Variants in SYNDIG1 observed in about 807,000 individuals in gnomAD.
The protein encoded by SYNDIG1 is synapse differentiation-inducing gene protein 1.
Under a neutral mutation model 19.4 loss-of-function variants are expected in SYNDIG1, and 9 were observed. That is an observed-to-expected ratio of 0.46 (90% CI 0.28 to 0.81). SYNDIG1 has a LOEUF of 0.81. Among genes scored for constraint, SYNDIG1 ranks in the 30% least tolerant of loss-of-function variants. The pLI, the probability that SYNDIG1 is intolerant of heterozygous loss-of-function variation, is 0.12. For missense variants in SYNDIG1, 311 were observed against 343.3 expected (o/e 0.91, Z 0.74); for synonymous variants, 141 against 145.9 (o/e 0.97, Z 0.24).
intron 3 of SYNDIG1, among the ~76,000 whole-genome samples, chr20:24,587,525 T>G (rs758706282): frequency 2.5e-4 from 38 of 152,196 alleles, no homozygotes; most frequent in Admixed American, 4.6e-4. Context: ...CGCAGATGCG[T>G]GGTCTCCAGC....
intron 3 of SYNDIG1, among the ~76,000 whole-genome samples, chr20:24,656,032 T>C (rs1378693840): frequency 6.6e-6 from 1 of 152,152 alleles, no homozygotes; most frequent in Non-Finnish European, 1.5e-5. Context: ...AAACAGAATC[T>C]GGGCTGTTGT....
At chr20:24,536,593 G>C (rs903524707) in intron 1 of SYNDIG1, among the ~76,000 whole-genome samples, 6 of 152,074 alleles carry the variant, frequency 3.9e-5, no homozygotes, top group African/African-American at 1.4e-4. Flanking sequence ...TCCGGGTTAC[G>C]CCTGCTTACT....
intron 3 of SYNDIG1, among the ~76,000 whole-genome samples, chr20:24,645,179 T>G (rs953615872): frequency 1.3e-5 from 2 of 152,300 alleles, no homozygotes; most frequent in Non-Finnish European, 2.9e-5. Context: ...TGCACTGCTC[T>G]CTCCTGGTGG....
rs62215354 is a variant in SYNDIG1 at position 24,665,098 on chromosome 20, G to A, written c.619-248G>A. Among the ~76,000 whole-genome samples the A allele has an allele frequency of 0.075, 11,336 of 152,100 alleles. 533 individuals are homozygous for A. The highest frequency in any genetic ancestry group is 0.098 in the Non-Finnish European group (6,688 of 67,976). Reference sequence around the variant, plus strand: ...ACTTCCAGCCTTCTCTTATTCCCTTGGGGCCAAGTAGAAAAGAAGTCTGTC... The same window carrying A: ...ACTTCCAGCCTTCTCTTATTCCCTTAGGGCCAAGTAGAAAAGAAGTCTGTC... On this transcript the variant is annotated intron_variant, in intron 3 of 3. Coordinates refer to ENST00000376862, the MANE Select transcript of SYNDIG1 (RefSeq NM_024893.3).
intron 3 of SYNDIG1, among the ~76,000 whole-genome samples, chr20:24,586,159 G>A (rs1568663704): frequency 6.6e-6 from 1 of 152,196 alleles, no homozygotes; most frequent in Non-Finnish European, 1.5e-5. Flanking sequence ...TGGTCCTCCT[G>A]AGGGCAAGCG....
intron 3 of SYNDIG1, among the ~76,000 whole-genome samples, chr20:24,649,782 A>G (rs938561718): frequency 3.9e-5 from 6 of 152,200 alleles, no homozygotes; most frequent in African/African-American, 1.4e-4. Context: ...TCTCAGTGAA[A>G]GGGGTCACCC....
At chr20:24,596,353 G>A (rs2058594130) in intron 3 of SYNDIG1, among the ~76,000 whole-genome samples, 1 of 151,898 alleles carries the variant, frequency 6.6e-6, no homozygotes, top group African/African-American at 2.4e-5. Context: ...ACTCATTCAA[G>A]AGATAATTAA....
intron 2 of SYNDIG1, among the ~76,000 whole-genome samples, chr20:24,547,332 T>C (rs1224487522): frequency 2.0e-5 from 3 of 152,248 alleles, no homozygotes; most frequent in African/African-American, 4.8e-5. Context: ...TGCAAGGGCA[T>C]GTGGAGCGTT....
intron 3 of SYNDIG1, among the ~76,000 whole-genome samples, chr20:24,588,753 C>T (rs1423144654): frequency 6.6e-6 from 1 of 152,178 alleles, no homozygotes; most frequent in Non-Finnish European, 1.5e-5. Flanking sequence ...GCCCTGGGTT[C>T]TGATGTTGCT....
chr20:24,595,687 A>C (rs1356227096), intron 3 of SYNDIG1, among the ~76,000 whole-genome samples: 2 of 152,138 alleles, frequency 1.3e-5, no homozygotes, highest in African/African-American at 4.8e-5. Context: ...TGGCCTTTTC[A>C]GGGGTTCAAT....
chr20:24,543,624 G>A (rs772888837), intron 2 of SYNDIG1, 47 bp downstream of exon 2: 1 of 1,572,084 alleles, frequency 6.4e-7, no homozygotes, highest in African/African-American at 1.3e-5. Context: ...GTGTGATGGG[G>A]ATTCTAGGGA....
intron 1 of SYNDIG1, among the ~76,000 whole-genome samples, chr20:24,486,509 G>T (rs73901844): frequency 1.3e-5 from 2 of 152,130 alleles, no homozygotes; most frequent in Admixed American, 6.5e-5. Context: ...TTACTGAAAT[G>T]TCTGTTCAAG....
intron 3 of SYNDIG1, among the ~76,000 whole-genome samples, chr20:24,657,743 A>G (rs2059542608): frequency 6.6e-6 from 1 of 152,206 alleles, no homozygotes; most frequent in African/African-American, 2.4e-5. Flanking sequence ...ACTATCATTA[A>G]GAATATTGAG....
intron 2 of SYNDIG1, among the ~76,000 whole-genome samples, chr20:24,556,044 C>G (rs1377418751): frequency 6.6e-6 from 1 of 152,154 alleles, no homozygotes; most frequent in African/African-American, 2.4e-5. Context: ...GAATTGATCC[C>G]TTTACCGTTA....
intron 1 of SYNDIG1, among the ~76,000 whole-genome samples, chr20:24,497,552 G>T (rs557360118): frequency 6.6e-6 from 1 of 152,296 alleles, no homozygotes; most frequent in South Asian, 2.1e-4. Flanking sequence ...GGGCTTCTTA[G>T]ATTTCAGCGC....
At position 24,469,656 on chromosome 20, in the gene SYNDIG1, G is replaced by A. The variant is rs2055356318; in HGVS notation, c.-176G>A. On this transcript the variant is annotated 5_prime_UTR_variant, in exon 1 of 4. Coordinates refer to ENST00000376862, the MANE Select transcript of SYNDIG1 (RefSeq NM_024893.3). Reference sequence around the variant, plus strand: ...AGGAGGAGAGAGCCTGGCAGCGGAGGAGCAGAGGCGGGCGCCGCACCGCCC... The same window carrying A: ...AGGAGGAGAGAGCCTGGCAGCGGAGAAGCAGAGGCGGGCGCCGCACCGCCC... 1 of 151,974 alleles carries A rather than the reference G, an allele frequency of 6.6e-6. No homozygotes were observed. The highest frequency in any genetic ancestry group is 2.4e-5 in the African/African-American group (1 of 41,366). 9.4% of individuals were successfully genotyped at this position (151,974 alleles called of 1,614,324 possible).
intron 1 of SYNDIG1, chr20:24,502,098 C>A (rs1452887856): frequency 6.6e-6 from 1 of 152,500 alleles, no homozygotes; most frequent in Non-Finnish European, 1.5e-5. Context: ...TCCCACAGGG[C>A]TGAGCCCCAG....
chr20:24,548,103 G>A (rs759126766), intron 2 of SYNDIG1, among the ~76,000 whole-genome samples: 41 of 152,286 alleles, frequency 2.7e-4, no homozygotes, highest in Non-Finnish European at 3.4e-4. Flanking sequence ...TCCTCGAAGC[G>A]CTTGGGGATG....
rs544973231 is a variant in SYNDIG1 at position 24,596,579 on chromosome 20, A to G, written c.618+11586A>G. On this transcript the variant is annotated intron_variant, in intron 3 of 3. Transcript: ENST00000376862. Reference sequence around the variant, plus strand: ...TTTTTAGTAGAGATAGAGTTTTGCCATGTTGCCTAGGCTAGCCTCGAACTC... The same window carrying G: ...TTTTTAGTAGAGATAGAGTTTTGCCGTGTTGCCTAGGCTAGCCTCGAACTC... Among the ~76,000 whole-genome samples the G allele has an allele frequency of 3.3e-5, 5 of 151,456 alleles. No homozygotes were observed. The South Asian group carries it at 1.0e-3, about 31-fold the overall frequency.
Sources: allele counts gnomAD v4.1 joint callset (sites outside exome capture counted in the v4.1 genomes callset), GRCh38; gene constraint gnomAD v4.1.1; transcripts MANE v1.5; gene names NCBI Gene and HGNC (gene_info 2026-07-23, HGNC 2026-07-21).